BMPR1B: variants seen among roughly 807,000 people sequenced by gnomAD.
BMPR1B encodes the protein bone morphogenetic protein receptor type 1B, also known as bone morphogenetic protein receptor type-1B.
In BMPR1B, 12 loss-of-function variants were observed where a neutral mutation model predicts 59.1. The observed-to-expected ratio is 0.20, with a 90% CI of 0.13 to 0.33. BMPR1B has a LOEUF of 0.33. Among genes scored for constraint, BMPR1B ranks in the 10% least tolerant of loss-of-function variants. BMPR1B has a pLI of 1.00. For synonymous variants in BMPR1B, 237 were observed against 207.3 expected (o/e 1.14, Z -1.23); for missense variants, 550 against 610.9 (o/e 0.90, Z 1.05).
At chr4:94,865,104 G>C (rs1286726725) in intron 1 of BMPR1B, among the ~76,000 whole-genome samples, 2 of 151,700 alleles carry the variant, frequency 1.3e-5, no homozygotes, top group Non-Finnish European at 2.9e-5. Context: ...CCACCTCCTG[G>C]GTTCAAGCAA....
chr4:94,798,921 C>T (rs1030076262), intron 1 of BMPR1B, among the ~76,000 whole-genome samples: 1 of 151,702 alleles, frequency 6.6e-6, no homozygotes, highest in African/African-American at 2.4e-5. Context: ...AAAGCAGCAT[C>T]CAGAGAACAA....
At chr4:95,015,408 C>CT (rs1336206676) in intron 3 of BMPR1B, among the ~76,000 whole-genome samples, 2 of 151,988 alleles carry the variant, frequency 1.3e-5, no homozygotes, top group South Asian at 2.1e-4. Flanking sequence ...AACAGAACTT[C>CT]TTTTTTTGAT....
chr4:94,786,817 T>G (rs1722782242), intron 1 of BMPR1B, among the ~76,000 whole-genome samples: 1 of 152,178 alleles, frequency 6.6e-6, no homozygotes, highest in African/African-American at 2.4e-5. Flanking sequence ...GTGCTGGGAT[T>G]ACAGGCGTGA....
chr4:94,762,734 G>A (rs540772115), intron 1 of BMPR1B, among the ~76,000 whole-genome samples: 3 of 152,314 alleles, frequency 2.0e-5, no homozygotes, highest in African/African-American at 7.2e-5. Context: ...GGCCATGTGG[G>A]TGGCTATGAA....
chr4:95,044,986 G>A (rs997614626), intron 3 of BMPR1B, among the ~76,000 whole-genome samples: 1 of 152,050 alleles, frequency 6.6e-6, no homozygotes, highest in African/African-American at 2.4e-5. Context: ...TTTGTTTTTG[G>A]TACAACATGT....
intron 2 of BMPR1B, among the ~76,000 whole-genome samples, chr4:94,894,629 G>C (rs1243436259): frequency 6.6e-6 from 1 of 151,900 alleles, no homozygotes; most frequent in Non-Finnish European, 1.5e-5. Flanking sequence ...GTTCCCAATA[G>C]AACGGTTTAA....
chr4:95,128,376 C>T (rs1418212621), intron 8 of BMPR1B, among the ~76,000 whole-genome samples: 2 of 152,124 alleles, frequency 1.3e-5, no homozygotes, highest in African/African-American at 2.4e-5. Context: ...GTTTGCTGAT[C>T]AGGTGTTATA....
At chr4:94,973,454 A>G (rs1046739364) in intron 2 of BMPR1B, among the ~76,000 whole-genome samples, 5 of 152,168 alleles carry the variant, frequency 3.3e-5, no homozygotes, top group African/African-American at 1.2e-4. Flanking sequence ...TCATCTTCCC[A>G]TGAAGTCTGA....
At chr4:94,947,552 T>A (rs938913387) in intron 2 of BMPR1B, among the ~76,000 whole-genome samples, 1 of 152,212 alleles carries the variant, frequency 6.6e-6, no homozygotes, top group Non-Finnish European at 1.5e-5. Context: ...AAAGCTGGAG[T>A]ACTTCTTTGC....
At position 95,156,926 on chromosome 4, in the gene BMPR1B, G is replaced by A. The variant is rs1735471463; in HGVS notation, c.*2253G>A. 2 of 152,092 alleles carry A rather than the reference G, an allele frequency of 1.3e-5. No homozygotes were observed. Among genetic ancestry groups the A allele is most frequent in the Non-Finnish European group, 2.9e-5 (2 of 67,996 alleles). 9.4% of individuals were successfully genotyped at this position (152,092 alleles called of 1,614,324 possible). On this transcript the variant is annotated 3_prime_UTR_variant, in exon 13 of 13. Coordinates refer to ENST00000515059, the MANE Select transcript of BMPR1B (RefSeq NM_001203.3). ...AGGTAAACATTTATGCCAGTTAAGT[G>A]GGTCATGTTTTTGTTTCTTGGGTTT... is the stretch of plus-strand genomic sequence containing the variant.
At chr4:94,823,509 C>T (rs1724277238) in intron 1 of BMPR1B, among the ~76,000 whole-genome samples, 2 of 152,070 alleles carry the variant, frequency 1.3e-5, no homozygotes, top group Non-Finnish European at 2.9e-5. Context: ...GAAAGTGATT[C>T]TGAGAGACAA....
At chr4:94,763,238 G>C (rs1721845846) in intron 1 of BMPR1B, among the ~76,000 whole-genome samples, 1 of 152,212 alleles carries the variant, frequency 6.6e-6, no homozygotes, top group Admixed American at 6.5e-5. Context: ...TTAGGTCTGA[G>C]TGTCATTTTC....
At chr4:94,932,726 A>G (rs79773115) in intron 2 of BMPR1B, among the ~76,000 whole-genome samples, 6,609 of 152,262 alleles carry the variant, frequency 0.043, 193 homozygotes, top group South Asian at 0.074. Flanking sequence ...TAGACATTAC[A>G]TTAATATACA....
chr4:95,104,372 C>G, intron 3 of BMPR1B, 36 bp from the exon 4 acceptor site: 1 of 1,609,356 alleles, frequency 6.2e-7, no homozygotes, highest in African/African-American at 1.3e-5. Context: ...GTAGTCTACC[C>G]CACAGATGCC....
At chr4:95,151,964 G>A (rs1293154526) in intron 11 of BMPR1B, among the ~76,000 whole-genome samples, 1 of 152,002 alleles carries the variant, frequency 6.6e-6, no homozygotes, top group Non-Finnish European at 1.5e-5. Context: ...TGAAAGTTTA[G>A]TGTGCATTTT....
At chr4:94,791,847 C>T (rs904514407) in intron 1 of BMPR1B, among the ~76,000 whole-genome samples, 2 of 152,038 alleles carry the variant, frequency 1.3e-5, no homozygotes, top group Non-Finnish European at 2.9e-5. Flanking sequence ...CTAATTCCTC[C>T]CACTCCCACG....
intron 3 of BMPR1B, among the ~76,000 whole-genome samples, chr4:95,080,507 A>G (rs1408767292): frequency 6.6e-6 from 1 of 152,160 alleles, no homozygotes; most frequent in Non-Finnish European, 1.5e-5. Flanking sequence ...AAGTGCTGGG[A>G]TTACAGGCGT....
chr4:94,899,227 A>G (rs1431027050), intron 2 of BMPR1B, among the ~76,000 whole-genome samples: 3 of 151,916 alleles, frequency 2.0e-5, no homozygotes, highest in Admixed American at 2.0e-4. Flanking sequence ...GCCTATGTGG[A>G]TAATCTAGGA....
At chr4:95,075,937 ATTTGTC>A (rs1728674972) in intron 3 of BMPR1B, among the ~76,000 whole-genome samples, 3 of 152,084 alleles carry the variant, frequency 2.0e-5, no homozygotes, top group Admixed American at 6.6e-5. Flanking sequence ...AGACTTGTTA[ATTTGTC>A]TAGTGCAAAG....
Sources: allele counts gnomAD v4.1 joint callset (sites outside exome capture counted in the v4.1 genomes callset), GRCh38; gene constraint gnomAD v4.1.1; transcripts MANE v1.5; gene names NCBI Gene and HGNC (gene_info 2026-07-23, HGNC 2026-07-21).